GALNT13: variants seen among roughly 807,000 people sequenced by gnomAD.
GALNT13 encodes the protein polypeptide N-acetylgalactosaminyltransferase 13.
A neutral mutation model predicts 64.2 loss-of-function variants in GALNT13; 28 were observed. That is an observed-to-expected ratio of 0.44 (90% CI 0.32 to 0.60). The LOEUF (loss-of-function observed/expected upper bound fraction) is 0.60, where lower values mean the gene tolerates loss of function less well. Ranked by LOEUF, GALNT13 falls within the 20% of genes least tolerant of loss-of-function variation. GALNT13 has a pLI of 0.05. For synonymous variants in GALNT13, 214 were observed against 224.6 expected, an observed-to-expected ratio of 0.95 and a Z score of 0.42; for missense variants, 577 against 669.8, an observed-to-expected ratio of 0.86 and a Z score of 1.53.
intron 7 of GALNT13, among the ~76,000 whole-genome samples, chr2:154,249,005 A>G (rs2105883980): frequency 6.6e-6 from 1 of 152,068 alleles, no homozygotes; most frequent in Non-Finnish European, 1.5e-5. Flanking sequence ...TGAGTTTGAA[A>G]CTCATCAAGC....
the GALNT13 span, among the ~76,000 whole-genome samples, chr2:153,081,972 A>G: frequency 6.6e-6 from 1 of 152,120 alleles, no homozygotes; most frequent in Non-Finnish European, 1.5e-5. Context: ...GGTCTTACTA[A>G]TTTACATTCC....
the GALNT13 span, among the ~76,000 whole-genome samples, chr2:153,439,232 TG>T: frequency 2.0e-5 from 3 of 152,088 alleles, no homozygotes; most frequent in Admixed American, 1.3e-4. Context: ...CGCCCCTACT[TG>T]GGGGTGGCTC....
chr2:154,300,563 CA>C (rs1022095145), intron 8 of GALNT13, among the ~76,000 whole-genome samples: 2 of 151,680 alleles, frequency 1.3e-5, no homozygotes, highest in African/African-American at 4.8e-5. Flanking sequence ...AAACCTGTAG[CA>C]TATATGTTAT....
chr2:153,567,177 C>T, the GALNT13 span, among the ~76,000 whole-genome samples: 1 of 152,196 alleles, frequency 6.6e-6, no homozygotes, highest in African/African-American at 2.4e-5. Flanking sequence ...CTTGCGCCAT[C>T]CTGAGCATGA....
intron 1 of GALNT13, among the ~76,000 whole-genome samples, chr2:153,876,422 T>G (rs1455235266): frequency 6.6e-6 from 1 of 152,208 alleles, no homozygotes; most frequent in African/African-American, 2.4e-5. Context: ...AAAAGTCTGG[T>G]TTTTCATTGT....
At chr2:153,557,540 A>G in the GALNT13 span, among the ~76,000 whole-genome samples, 3 of 152,174 alleles carry the variant, frequency 2.0e-5, no homozygotes, top group Non-Finnish European at 2.9e-5. Flanking sequence ...AGGGTTACCA[A>G]CATCGTTTCA....
the GALNT13 span, among the ~76,000 whole-genome samples, chr2:153,676,816 A>C: frequency 1.7e-3 from 254 of 152,230 alleles, no homozygotes; most frequent in Non-Finnish European, 2.4e-3. Flanking sequence ...GGCCTTAAAT[A>C]AGAATTCAAC....
chr2:154,013,611 G>A (rs2105255285), intron 3 of GALNT13, among the ~76,000 whole-genome samples: 1 of 152,290 alleles, frequency 6.6e-6, no homozygotes, highest in East Asian at 1.9e-4. Context: ...CGGCACAGCA[G>A]GGGTGGGCTG....
the GALNT13 span, among the ~76,000 whole-genome samples, chr2:153,826,037 T>C: frequency 3.3e-5 from 5 of 152,272 alleles, no homozygotes; most frequent in Middle Eastern, 3.4e-3. Flanking sequence ...CCCTTCTCTA[T>C]CCCCATCTCT....
chr2:153,236,621 T>G, the GALNT13 span, among the ~76,000 whole-genome samples: 1 of 152,132 alleles, frequency 6.6e-6, no homozygotes, highest in Non-Finnish European at 1.5e-5. Flanking sequence ...CAGTATGGTT[T>G]GCTGAATATT....
At chr2:154,351,552 G>T (rs555771306) in intron 9 of GALNT13, among the ~76,000 whole-genome samples, 1 of 151,538 alleles carries the variant, frequency 6.6e-6, no homozygotes, top group Non-Finnish European at 1.5e-5. Context: ...GCATGGTGGC[G>T]GGCACCTGTA....
At chr2:154,217,849 G>A (rs1407725002) in intron 4 of GALNT13, among the ~76,000 whole-genome samples, 1 of 152,124 alleles carries the variant, frequency 6.6e-6, no homozygotes, top group Non-Finnish European at 1.5e-5. Flanking sequence ...AAAAGAGTGT[G>A]TGTGAACAGA....
chr2:153,767,473 G>T, the GALNT13 span, among the ~76,000 whole-genome samples: 8 of 152,028 alleles, frequency 5.3e-5, no homozygotes, highest in Non-Finnish European at 1.0e-4. Context: ...CACACTCATA[G>T]GTTTGCTGGG....
intron 3 of GALNT13, among the ~76,000 whole-genome samples, chr2:154,032,106 A>T (rs1698375871): frequency 6.6e-6 from 1 of 151,996 alleles, no homozygotes; most frequent in Non-Finnish European, 1.5e-5. Flanking sequence ...AGCAGAAGGA[A>T]AAACTAATAA....
chr2:154,350,639 T>A (rs1183524495), intron 9 of GALNT13, among the ~76,000 whole-genome samples: 1 of 152,184 alleles, frequency 6.6e-6, no homozygotes, highest in Non-Finnish European at 1.5e-5. Flanking sequence ...CTCACTTTCC[T>A]GTATATATCT....
chr2:153,920,020 T>TTA (rs915044429), intron 2 of GALNT13, among the ~76,000 whole-genome samples: 2 of 148,034 alleles, frequency 1.4e-5, no homozygotes, highest in Non-Finnish European at 3.0e-5. Context: ...GTTATATATA[T>TTA]TATATATAGC....
chr2:154,274,242 G>A (rs1691514394), intron 8 of GALNT13, among the ~76,000 whole-genome samples: 1 of 152,174 alleles, frequency 6.6e-6, no homozygotes, highest in Admixed American at 6.5e-5. Context: ...ATCATTTGAA[G>A]ATGCAGATAT....
chr2:153,446,696 T>C, the GALNT13 span: 1 of 152,226 alleles, frequency 6.6e-6, no homozygotes, highest in Non-Finnish European at 1.5e-5. Flanking sequence ...AAAGCATTTT[T>C]CAGAATTTTT....
At chr2:154,227,125 C>T (rs954369760) in intron 4 of GALNT13, among the ~76,000 whole-genome samples, 4 of 152,028 alleles carry the variant, frequency 2.6e-5, no homozygotes, top group Non-Finnish European at 4.4e-5. Flanking sequence ...GACTTCTAGG[C>T]TCAGTACATT....
Sources: allele counts gnomAD v4.1 joint callset (sites outside exome capture counted in the v4.1 genomes callset), GRCh38; gene constraint gnomAD v4.1.1; transcripts MANE v1.5; gene names NCBI Gene and HGNC (gene_info 2026-07-23, HGNC 2026-07-21).